TMEM50B: variants seen among roughly 807,000 people sequenced by gnomAD.
TMEM50B encodes transmembrane protein 50B, also known as HCV p7-trans-regulated protein 3.
TMEM50B carries 14 observed loss-of-function variants against 23.4 expected under a neutral mutation model. The observed-to-expected ratio is 0.60, with a 90% CI of 0.39 to 0.93. The LOEUF (loss-of-function observed/expected upper bound fraction) is 0.93. Ranked by LOEUF, TMEM50B falls within the 40% of genes least tolerant of loss-of-function variation. The pLI is 0.00. For missense variants in TMEM50B, 159 were observed against 193.0 expected (o/e 0.82, Z 1.04); for synonymous variants, 64 against 62.3 (o/e 1.03, Z -0.13).
In TMEM50B at chr21:33,450,541, C is replaced by A; in HGVS notation, c.*277G>T. 1 of 301,558 alleles carries A rather than the reference C, an allele frequency of 3.3e-6. No individual in the cohort carries two copies. Among genetic ancestry groups the A allele is most frequent in the Non-Finnish European group, 6.1e-6 (1 of 163,556 alleles). The allele number at this position is 301,558 out of a possible 1,614,324, so 18.7% of individuals were successfully genotyped here. On this transcript the variant is annotated 3_prime_UTR_variant, in exon 7 of 7. Transcript: ENST00000542230. ...TTCTAAAATGACAAGATGATGTAACCCTGGCTCAGGGAGTAGATCAAGTTC... is the reference window on the plus strand; with the variant it reads ...TTCTAAAATGACAAGATGATGTAACACTGGCTCAGGGAGTAGATCAAGTTC...
In TMEM50B at chr21:33,467,121, A is replaced by T. The variant is rs2084271608; in HGVS notation, c.101T>A (p.Phe34Tyr). Residue 34 changes from phenylalanine (F) to tyrosine (Y), a missense_variant and splice_region_variant, in exon 3 of 7, where the codon TTT becomes TAT. By Grantham distance (22) the Phe-to-Tyr change is conservative (BLOSUM62 3). Transcript: ENST00000542230. ...AVASVVAGIL[F>Y]FTGWWIMIDA... ...AATCATTATCCACCAGCCTGTAAAA[A>T]ACTTAAAACACAGCCCAAGTCACTG... The T allele has an allele frequency of 1.9e-6, 3 of 1,613,388 alleles. No individual in the cohort carries two copies. In the East Asian group the frequency reaches 6.7e-5, roughly 36 times the overall value.
intron 6 of TMEM50B, among the ~76,000 whole-genome samples, chr21:33,451,666 T>C (rs1601113885): frequency 1.3e-5 from 2 of 152,210 alleles, no homozygotes. Context: ...ACTAAATGTT[T>C]TGGATTTGAA....
At position 33,449,164 on chromosome 21, in the gene TMEM50B, C is replaced by A. The variant is rs1189135748; in HGVS notation, c.*1654G>T. 6.6e-6 allele frequency: 1 copy of A among 152,058 alleles called. No homozygotes were observed. Among genetic ancestry groups the A allele is most frequent in the East Asian group, 1.9e-4 (1 of 5,192 alleles). 9.4% of individuals were successfully genotyped at this position (152,058 alleles called of 1,614,324 possible). On this transcript the variant is annotated 3_prime_UTR_variant, in exon 7 of 7. Coordinates refer to ENST00000542230, the MANE Select transcript of TMEM50B (RefSeq NM_006134.7). ...ACTGTATGAGAAGTAATATTTATTG[C>A]AACAGGTTATGAGGTGGAAACAAAT...
chr21:33,465,201 C>T (rs1437764163), intron 4 of TMEM50B, 141 bp downstream of exon 4: 3 of 574,342 alleles, frequency 5.2e-6, no homozygotes, highest in Admixed American at 7.2e-5. Context: ...TTGAATAACA[C>T]TAAAACTTTG....
intron 8 of TMEM50B, chr21:33,432,818 C>T: frequency 6.2e-7 from 1 of 1,613,592 alleles, no homozygotes; most frequent in Non-Finnish European, 8.5e-7. Flanking sequence ...ATATAGAGGC[C>T]TGATTAAATA....
At chr21:33,447,733 C>G (rs2084077894), downstream of TMEM50B, among the ~76,000 whole-genome samples, 1 of 134,232 alleles carries the variant, frequency 7.4e-6, no homozygotes, top group Admixed American at 7.6e-5. Flanking sequence ...TATATATATA[C>G]TGGAAAAATA....
intron 1 of TMEM50B, among the ~76,000 whole-genome samples, chr21:33,478,546 GAA>G (rs1206968792): frequency 6.6e-6 from 1 of 152,116 alleles, no homozygotes; most frequent in Non-Finnish European, 1.5e-5. Flanking sequence ...TCAGAATTCA[GAA>G]AAGACTAGCC....
At chr21:33,433,479 T>C (rs2083910627) in intron 8 of TMEM50B, among the ~76,000 whole-genome samples, 1 of 152,228 alleles carries the variant, frequency 6.6e-6, no homozygotes. Context: ...CACATGGACC[T>C]TGAGGACATT....
downstream of TMEM50B, among the ~76,000 whole-genome samples, chr21:33,445,902 T>C (rs2084048975): frequency 6.6e-6 from 1 of 152,230 alleles, no homozygotes; most frequent in South Asian, 2.1e-4. Context: ...GGAAACAGTC[T>C]TGCAGTCAAA....
intron 8 of TMEM50B, chr21:33,437,386 C>T (rs1059293): frequency 0.58 from 103,441 of 179,596 alleles, 32,060 homozygotes; most frequent in East Asian, 0.83. Flanking sequence ...CGAGGGACAC[C>T]GAGTGGCCCT....
intron 8 of TMEM50B, chr21:33,432,865 A>T (rs1438943596): frequency 1.2e-6 from 2 of 1,611,792 alleles, no homozygotes; most frequent in South Asian, 2.2e-5. Flanking sequence ...CATTACAGAT[A>T]GAAGAGGTAC....
At chr21:33,436,290 T>C (rs567076111) in intron 8 of TMEM50B, among the ~76,000 whole-genome samples, 3 of 146,722 alleles carry the variant, frequency 2.0e-5, no homozygotes, top group Non-Finnish European at 4.5e-5. Flanking sequence ...GATCGTGTCA[T>C]TGCACTCCAG....
chr21:33,473,810 A>T (rs1381403616), intron 1 of TMEM50B, among the ~76,000 whole-genome samples: 1 of 152,238 alleles, frequency 6.6e-6, no homozygotes, highest in East Asian at 1.9e-4. Context: ...CGAATGGATA[A>T]ATAAAACATA....
chr21:33,475,636 G>A (rs535438630), intron 1 of TMEM50B, among the ~76,000 whole-genome samples: 4 of 149,908 alleles, frequency 2.7e-5, no homozygotes, highest in South Asian at 2.3e-4. Context: ...GTGAGCCACC[G>A]CGCCCAGGAA....
chr21:33,443,563 C>T (rs1207368723), intron 7 of TMEM50B, among the ~76,000 whole-genome samples: 1 of 152,208 alleles, frequency 6.6e-6, no homozygotes, highest in Non-Finnish European at 1.5e-5. Context: ...ATATTAGAGA[C>T]ACTGCAGGGA....
intron 2 of TMEM50B, chr21:33,468,542 TATA>T (rs2084284918): frequency 2.3e-6 from 1 of 430,152 alleles, no homozygotes. Flanking sequence ...TGCTATTGCC[TATA>T]ATAATTATAT....
chr21:33,470,790 C>T (rs1042823092), intron 1 of TMEM50B, among the ~76,000 whole-genome samples: 8 of 151,202 alleles, frequency 5.3e-5, no homozygotes, highest in Non-Finnish European at 7.4e-5. Context: ...CTCAGGAGGC[C>T]GAAATAGGAG....
At chr21:33,461,578 C>T (rs1013936416) in intron 4 of TMEM50B, among the ~76,000 whole-genome samples, 2 of 151,986 alleles carry the variant, frequency 1.3e-5, no homozygotes, top group Admixed American at 1.3e-4. Context: ...CCAAGGTGGG[C>T]TAATTGCCTG....
At chr21:33,463,022 T>C (rs2123439291) in intron 4 of TMEM50B, among the ~76,000 whole-genome samples, 1 of 152,342 alleles carries the variant, frequency 6.6e-6, no homozygotes, top group East Asian at 1.9e-4. Context: ...CTGGGCATGG[T>C]GGTTCATGCC....
Sources: allele counts gnomAD v4.1 joint callset (sites outside exome capture counted in the v4.1 genomes callset), GRCh38; gene constraint gnomAD v4.1.1; transcripts MANE v1.5; gene names NCBI Gene and HGNC (gene_info 2026-07-23, HGNC 2026-07-21).